The following GRM7 variants were observed in gnomAD, a reference collection of about 807,000 sequenced individuals.
GRM7 encodes the protein glutamate metabotropic receptor 7.
A neutral mutation model predicts 84.5 loss-of-function variants in GRM7; 35 were observed. The ratio of observed to expected loss-of-function variants is 0.41; its 90% confidence interval spans 0.32 to 0.55. The LOEUF (loss-of-function observed/expected upper bound fraction) is 0.55. Ranked by LOEUF, GRM7 falls within the 20% of genes least tolerant of loss-of-function variation. GRM7 has a pLI of 0.19. For missense variants in GRM7, 1,003 were observed against 1,194.6 expected (o/e 0.84, Z 2.36); for synonymous variants, 487 against 455.1 (o/e 1.07, Z -0.89).
intron 5 of GRM7, among the ~76,000 whole-genome samples, chr3:7,428,075 T>C (rs1345531311): frequency 6.6e-6 from 1 of 152,152 alleles, no homozygotes; most frequent in African/African-American, 2.4e-5. Context: ...CGGAGTGACC[T>C]ATATGTCTGT....
rs565516075 is a variant in GRM7, at chr3:7,123,979, C to T, written c.520-22473C>T. Among the ~76,000 whole-genome samples, 40 of 152,230 alleles carry T rather than the reference C, an allele frequency of 2.6e-4. No individual in the cohort carries two copies. In the South Asian group the frequency reaches 2.7e-3, roughly 10 times the overall value. On this transcript the variant is annotated intron_variant, in intron 1 of 9. Transcript: ENST00000357716. Reference sequence around the variant, plus strand: ...TTTGTCCTTTGCCTAATTATATTCCCTTGCCAGCCTGCCTTTATCTTGATC... The same window carrying T: ...TTTGTCCTTTGCCTAATTATATTCCTTTGCCAGCCTGCCTTTATCTTGATC...
intron 4 of GRM7, among the ~76,000 whole-genome samples, chr3:7,351,295 C>T (rs956464230): frequency 8.0e-6 from 1 of 124,308 alleles, no homozygotes; most frequent in South Asian, 2.9e-4. Context: ...CACTTTCAGG[C>T]TGTTTTCTCC....
At chr3:7,274,223 T>C (rs1698969749) in intron 2 of GRM7, among the ~76,000 whole-genome samples, 3 of 152,060 alleles carry the variant, frequency 2.0e-5, no homozygotes, top group Admixed American at 6.5e-5. Context: ...ATTTTACTTA[T>C]ACACAAGCAT....
intron 8 of GRM7, among the ~76,000 whole-genome samples, chr3:7,592,030 C>T (rs921367886): frequency 6.6e-6 from 1 of 152,034 alleles, no homozygotes; most frequent in Admixed American, 6.6e-5. Flanking sequence ...GTATTTGTCT[C>T]ATAAGGTTTT....
At chr3:7,414,952 C>A in intron 4 of GRM7, 71 bp from the exon 5 acceptor site, 5 of 1,291,008 alleles carry the variant, frequency 3.9e-6, no homozygotes, top group Non-Finnish European at 4.2e-6. Flanking sequence ...AAAAAAGTCA[C>A]TTTTATTTTT....
chr3:7,229,631 T>G (rs1394360473), intron 2 of GRM7, among the ~76,000 whole-genome samples: 1 of 148,266 alleles, frequency 6.7e-6, no homozygotes, highest in African/African-American at 2.5e-5. Flanking sequence ...TGGATTTCCC[T>G]GGGAAATACT....
chr3:7,236,585 C>T (rs1257834714), intron 2 of GRM7, among the ~76,000 whole-genome samples: 1 of 152,148 alleles, frequency 6.6e-6, no homozygotes, highest in Non-Finnish European at 1.5e-5. Context: ...CAATCTAGCT[C>T]TCAAGTGATC....
intron 8 of GRM7, among the ~76,000 whole-genome samples, chr3:7,628,781 C>T (rs547498278): frequency 3.9e-5 from 6 of 152,270 alleles, no homozygotes; most frequent in Non-Finnish European, 4.4e-5. Flanking sequence ...GCTCCCAGCA[C>T]TTGGCCCAGG....
At chr3:7,179,798 A>G (rs993337107) in intron 2 of GRM7, among the ~76,000 whole-genome samples, 3 of 152,236 alleles carry the variant, frequency 2.0e-5, no homozygotes, top group Non-Finnish European at 2.9e-5. Context: ...CAATCTGGCC[A>G]GGAATTAAGT....
In GRM7 at chr3:7,193,728, A is replaced by G. The variant is rs192932096; in HGVS notation, c.736+47060A>G. Among the ~76,000 whole-genome samples the G allele has an allele frequency of 2.1e-3, 320 of 151,980 alleles. 3 individuals carry two copies. The highest frequency in any genetic ancestry group is 7.5e-3 in the African/African-American group (311 of 41,444). On this transcript the variant is annotated intron_variant, in intron 2 of 9. Coordinates refer to ENST00000357716, the MANE Select transcript of GRM7 (RefSeq NM_000844.4). ...TCACTCACATACACATAGGACAGAT[A>G]TTAGGGTGATTTATTAAGTTAAAAA...
At chr3:7,337,098 A>G (rs1701449632) in intron 4 of GRM7, among the ~76,000 whole-genome samples, 1 of 152,078 alleles carries the variant, frequency 6.6e-6, no homozygotes, top group African/African-American at 2.4e-5. Context: ...CAGAATAGAG[A>G]ATTCAGAAAT....
At chr3:7,121,613 G>A (rs1350694549) in intron 1 of GRM7, among the ~76,000 whole-genome samples, 1 of 151,802 alleles carries the variant, frequency 6.6e-6, no homozygotes, top group East Asian at 1.9e-4. Context: ...TCTCCCTCTT[G>A]GTCTAATTGA....
chr3:7,171,451 T>A (rs916960026), intron 2 of GRM7, among the ~76,000 whole-genome samples: 2 of 152,158 alleles, frequency 1.3e-5, no homozygotes, highest in African/African-American at 4.8e-5. Flanking sequence ...CTTCAATGTG[T>A]CTTTATTTGG....
chr3:7,063,981 G>C, intron 1 of GRM7, among the ~76,000 whole-genome samples: 1 of 148,482 alleles, frequency 6.7e-6, no homozygotes, highest in Non-Finnish European at 1.5e-5. Flanking sequence ...GGTATGCAGC[G>C]TGGGATCTTC....
intron 2 of GRM7, among the ~76,000 whole-genome samples, chr3:7,153,487 A>C (rs1337738787): frequency 1.3e-5 from 2 of 152,180 alleles, no homozygotes; most frequent in African/African-American, 4.8e-5. Context: ...CTCGATACCC[A>C]GAGCAGTGCC....
chr3:7,563,794 G>A (rs905109181), intron 7 of GRM7, among the ~76,000 whole-genome samples: 1 of 152,040 alleles, frequency 6.6e-6, no homozygotes, highest in African/African-American at 2.4e-5. Context: ...TTTAATCCAG[G>A]ATGCAGTAAA....
chr3:7,363,161 GAAATA>G (rs532851460), intron 4 of GRM7, among the ~76,000 whole-genome samples: 293 of 151,260 alleles, frequency 1.9e-3, no homozygotes, highest in Non-Finnish European at 2.8e-3. Context: ...AAATAATTTT[GAAATA>G]AAATATATAA....
intron 8 of GRM7, among the ~76,000 whole-genome samples, chr3:7,673,710 G>T (rs3804843): frequency 0.11 from 16,618 of 152,160 alleles, 1,624 homozygotes; most frequent in African/African-American, 0.26. Context: ...TGTGGAAGAG[G>T]CAGGCTTACA....
At chr3:6,963,188 C>T (rs1693367762) in intron 1 of GRM7, among the ~76,000 whole-genome samples, 1 of 152,194 alleles carries the variant, frequency 6.6e-6, no homozygotes, top group Non-Finnish European at 1.5e-5. Context: ...ACACAAAGCT[C>T]TGCAATTTTG....
Sources: gnomAD v4.1 joint callset for allele counts (sites outside exome capture counted in the v4.1 genomes callset) on GRCh38, gnomAD v4.1.1 for gene constraint, MANE v1.5 for transcripts, NCBI Gene and HGNC (gene_info 2026-07-23, HGNC 2026-07-21) for gene names.